The following KCNN2 variants were observed in gnomAD, a reference collection of about 807,000 sequenced individuals.
KCNN2 encodes small conductance calcium-activated potassium channel protein 2.
KCNN2 carries 24 observed loss-of-function variants against 55.5 expected under a neutral mutation model. The ratio of observed to expected loss-of-function variants is 0.43; its 90% CI spans 0.31 to 0.61. The LOEUF is 0.61. KCNN2 is among the 20% of genes least tolerant of loss of function. The pLI, the probability that KCNN2 is intolerant of heterozygous loss-of-function variation, is 0.08. For missense variants in KCNN2, 754 were observed against 853.6 expected, an observed-to-expected ratio of 0.88 and a Z score of 1.45; for synonymous variants, 431 against 336.1, an observed-to-expected ratio of 1.28 and a Z score of -3.09.
At chr5:114,067,538 CAT>C (rs1750477228) in intron 1 of KCNN2, among the ~76,000 whole-genome samples, 1 of 152,100 alleles carries the variant, frequency 6.6e-6, no homozygotes, top group African/African-American at 2.4e-5. Context: ...AAATACCTAT[CAT>C]AGCTAAATTT....
chr5:114,331,379 G>A (rs1756819118), intron 2 of KCNN2, among the ~76,000 whole-genome samples: 1 of 152,156 alleles, frequency 6.6e-6, no homozygotes, highest in South Asian at 2.1e-4. Flanking sequence ...AGGCAATGTG[G>A]CTTGGGGTAA....
intron 2 of KCNN2, among the ~76,000 whole-genome samples, chr5:114,317,008 T>C (rs565802658): frequency 1.3e-5 from 2 of 152,216 alleles, no homozygotes; most frequent in Non-Finnish European, 2.9e-5. Context: ...GCAAGTGCTT[T>C]CCAGAAGGGG....
chr5:114,353,304 T>A (rs1757246021), intron 2 of KCNN2, among the ~76,000 whole-genome samples: 1 of 151,866 alleles, frequency 6.6e-6, no homozygotes, highest in Admixed American at 6.6e-5. Context: ...TTTCTGGTCC[T>A]CTTCATTTCT....
At chr5:114,187,225 C>T (rs1753352049) in intron 1 of KCNN2, among the ~76,000 whole-genome samples, 1 of 152,032 alleles carries the variant, frequency 6.6e-6, no homozygotes, top group Non-Finnish European at 1.5e-5. Context: ...CACCCCCACC[C>T]CACTTTTGCT....
chr5:114,228,721 C>A (rs1754291088), intron 2 of KCNN2, among the ~76,000 whole-genome samples: 1 of 152,154 alleles, frequency 6.6e-6, no homozygotes, highest in African/African-American at 2.4e-5. Flanking sequence ...ATGACTTCTT[C>A]ATAATTTTAT....
At chr5:114,100,413 G>A (rs1751349585) in intron 1 of KCNN2, among the ~76,000 whole-genome samples, 2 of 152,148 alleles carry the variant, frequency 1.3e-5, no homozygotes, top group African/African-American at 2.4e-5. Context: ...TATGGGTGTA[G>A]TATTGCTGGA....
intron 1 of KCNN2, among the ~76,000 whole-genome samples, chr5:114,106,893 C>T (rs1169201580): frequency 2.0e-5 from 3 of 151,944 alleles, no homozygotes; most frequent in African/African-American, 7.2e-5. Flanking sequence ...TCCAAGTTAT[C>T]AACCTTTTTG....
intron 3 of KCNN2, among the ~76,000 whole-genome samples, chr5:114,449,787 CT>C (rs1760573230): frequency 6.6e-6 from 1 of 151,592 alleles, no homozygotes; most frequent in African/African-American, 2.4e-5. Context: ...GGTCTTTGAT[CT>C]TGAGAATCTC....
At chr5:114,244,237 T>G (rs1425476732) in intron 2 of KCNN2, among the ~76,000 whole-genome samples, 1 of 152,074 alleles carries the variant, frequency 6.6e-6, no homozygotes, top group African/African-American at 2.4e-5. Flanking sequence ...GAGCACGCAG[T>G]AAACAGACTC....
At chr5:114,280,705 T>G (rs1188526489) in intron 2 of KCNN2, among the ~76,000 whole-genome samples, 1 of 152,206 alleles carries the variant, frequency 6.6e-6, no homozygotes, top group Non-Finnish European at 1.5e-5. Context: ...ATGGTCTATC[T>G]ACATTTACCC....
At position 114,383,139 on chromosome 5, in the gene KCNN2, A is replaced by C. The variant is rs115035987; in HGVS notation, c.1218+19138A>C. ...TTAACCATTCTGTGACCTTTAGTAG[A>C]AGAACTGTTTAGCTGGGTTTTGTGC... On this transcript the variant is annotated intron_variant, in intron 2 of 7. Transcript: ENST00000673685. Among the ~76,000 whole-genome samples the C allele has an allele frequency of 3.2e-3, 488 of 152,260 alleles. 3 individuals are homozygous for C. The highest frequency in any genetic ancestry group is 6.8e-3 in the Middle Eastern group (2 of 292).
At chr5:114,085,160 C>T (rs979864228) in intron 1 of KCNN2, among the ~76,000 whole-genome samples, 9 of 151,800 alleles carry the variant, frequency 5.9e-5, no homozygotes, top group Non-Finnish European at 8.8e-5. Context: ...TGTTCTTACA[C>T]TTTCTTCTTC....
chr5:114,292,259 C>T (rs1328155421), intron 2 of KCNN2, among the ~76,000 whole-genome samples: 1 of 152,194 alleles, frequency 6.6e-6, no homozygotes, highest in Non-Finnish European at 1.5e-5. Flanking sequence ...GACATGAAGT[C>T]CTTGTCCATG....
At chr5:114,093,933 TA>T (rs1751201980) in intron 1 of KCNN2, among the ~76,000 whole-genome samples, 1 of 152,160 alleles carries the variant, frequency 6.6e-6, no homozygotes, top group African/African-American at 2.4e-5. Flanking sequence ...CACCTCAGTT[TA>T]TAGGTGAAAA....
intron 2 of KCNN2, among the ~76,000 whole-genome samples, chr5:114,287,757 A>AG (rs1755785264): frequency 6.7e-6 from 1 of 148,720 alleles, no homozygotes; most frequent in Non-Finnish European, 1.5e-5. Flanking sequence ...AACTTAAATA[A>AG]AAAAAAAAAA....
At chr5:114,308,393 G>A (rs1324479672) in intron 2 of KCNN2, among the ~76,000 whole-genome samples, 3 of 152,198 alleles carry the variant, frequency 2.0e-5, no homozygotes, top group African/African-American at 7.2e-5. Context: ...AAGGAGTTGG[G>A]AAGTGAAGCA....
intron 3 of KCNN2, among the ~76,000 whole-genome samples, chr5:114,406,098 T>C (rs555212953): frequency 2.1e-4 from 29 of 139,862 alleles, no homozygotes; most frequent in African/African-American, 7.4e-4. Context: ...TGAGAGTTGC[T>C]GGAAAAAAAA....
intron 1 of KCNN2, among the ~76,000 whole-genome samples, chr5:114,075,896 C>A (rs190330230): frequency 6.6e-6 from 1 of 152,316 alleles, no homozygotes; most frequent in Non-Finnish European, 1.5e-5. Flanking sequence ...AGAAGCAGAG[C>A]CACTTAGCTC....
intron 2 of KCNN2, among the ~76,000 whole-genome samples, chr5:114,367,857 A>G (rs1757648286): frequency 1.3e-5 from 2 of 152,220 alleles, no homozygotes; most frequent in African/African-American, 4.8e-5. Context: ...ACTTTGAGGT[A>G]GGCAAACATA....
Sources: allele counts gnomAD v4.1 joint callset (sites outside exome capture counted in the v4.1 genomes callset), GRCh38; gene constraint gnomAD v4.1.1; transcripts MANE v1.5; gene names NCBI Gene and HGNC (gene_info 2026-07-23, HGNC 2026-07-21).